The following KCNJ6 variants were observed in gnomAD, a reference collection of about 807,000 sequenced individuals.
The protein encoded by KCNJ6 is G protein-activated inward rectifier potassium channel 2.
In KCNJ6, 9 loss-of-function variants were observed where a neutral mutation model predicts 34.2. The observed-to-expected ratio is 0.26, with a 90% CI of 0.16 to 0.46. KCNJ6 has a LOEUF of 0.46. Among genes scored for constraint, KCNJ6 ranks in the 20% least tolerant of loss-of-function variants. The pLI is 1.00. For missense variants in KCNJ6, 236 were observed against 531.3 expected (o/e 0.44, Z 5.46); for synonymous variants, 196 against 207.1 (o/e 0.95, Z 0.46).
chr21:37,798,810 G>A (rs2055255521), intron 2 of KCNJ6, among the ~76,000 whole-genome samples: 1 of 152,078 alleles, frequency 6.6e-6, no homozygotes, highest in Admixed American at 6.5e-5. Context: ...GTGATAGAAA[G>A]GTTCTAAAAT....
intron 2 of KCNJ6, among the ~76,000 whole-genome samples, chr21:37,723,572 T>C (rs1851650025): frequency 6.6e-6 from 1 of 152,176 alleles, no homozygotes; most frequent in Admixed American, 6.5e-5. Flanking sequence ...CAATACACCA[T>C]GGAATACTAC....
At chr21:37,842,444 G>T (rs931422886) in intron 1 of KCNJ6, among the ~76,000 whole-genome samples, 4 of 152,206 alleles carry the variant, frequency 2.6e-5, no homozygotes, top group Admixed American at 1.3e-4. Flanking sequence ...TTGATTGAAT[G>T]GCAACAAACA....
chr21:37,776,908 G>A (rs1187626128), intron 2 of KCNJ6, among the ~76,000 whole-genome samples: 1 of 152,210 alleles, frequency 6.6e-6, no homozygotes, highest in Non-Finnish European at 1.5e-5. Context: ...GATTGGAATA[G>A]TTTCAGAAGG....
At chr21:37,723,420 T>G (rs2054836895) in intron 2 of KCNJ6, among the ~76,000 whole-genome samples, 1 of 152,206 alleles carries the variant, frequency 6.6e-6, no homozygotes. Context: ...CACTACTGAA[T>G]ATATTCCTAA....
At chr21:37,846,848 T>G (rs1218776666) in intron 1 of KCNJ6, among the ~76,000 whole-genome samples, 1 of 152,154 alleles carries the variant, frequency 6.6e-6, no homozygotes, top group African/African-American at 2.4e-5. Context: ...TTCTTCAGGT[T>G]CTCAACAAAT....
intron 2 of KCNJ6, among the ~76,000 whole-genome samples, chr21:37,732,332 G>T (rs903365701): frequency 4.6e-5 from 7 of 152,136 alleles, no homozygotes; most frequent in Admixed American, 6.5e-5. Flanking sequence ...AATGGATTGT[G>T]GTCACCTATC....
In KCNJ6 at chr21:37,611,613, C is replaced by T. The variant is rs2054242822; in HGVS notation, c.*13546G>A. ...CAACAAAATATTAGCAAATCAAGTCCAACAATATATGAAAATAATTAAACA... is the reference window on the plus strand; with the variant it reads ...CAACAAAATATTAGCAAATCAAGTCTAACAATATATGAAAATAATTAAACA... On this transcript the variant is annotated 3_prime_UTR_variant, in exon 4 of 4. Transcript: ENST00000609713. 6.6e-6 allele frequency: 1 copy of T among 152,046 alleles called. No individual in the cohort carries two copies. Among genetic ancestry groups the T allele is most frequent in the Non-Finnish European group, 1.5e-5 (1 of 67,986 alleles). The allele number at this position is 152,046 out of a possible 1,614,324, so 9.4% of individuals were successfully genotyped here.
intron 1 of KCNJ6, among the ~76,000 whole-genome samples, chr21:37,869,341 G>A (rs1320829072): frequency 6.6e-6 from 1 of 152,156 alleles, no homozygotes; most frequent in African/African-American, 2.4e-5. Flanking sequence ...TTCCTTTCTG[G>A]GTAATAATTC....
chr21:37,735,417 G>C (rs1036330077), intron 2 of KCNJ6, among the ~76,000 whole-genome samples: 3 of 152,104 alleles, frequency 2.0e-5, no homozygotes, highest in Non-Finnish European at 4.4e-5. Context: ...ATTCGAGTGC[G>C]GTGCTGCTCC....
chr21:37,836,694 A>C (rs568189890), intron 2 of KCNJ6, among the ~76,000 whole-genome samples: 1 of 152,138 alleles, frequency 6.6e-6, no homozygotes, highest in Admixed American at 6.5e-5. Flanking sequence ...AACAATGAGA[A>C]CACATGGGCA....
At chr21:37,700,015 C>G (rs185963827) in intron 3 of KCNJ6, among the ~76,000 whole-genome samples, 4 of 152,040 alleles carry the variant, frequency 2.6e-5, no homozygotes, top group African/African-American at 9.7e-5. Flanking sequence ...AAAGGCCACA[C>G]CTTATTTTTA....
chr21:37,869,235 T>C (rs2055638104), intron 1 of KCNJ6, among the ~76,000 whole-genome samples: 3 of 152,258 alleles, frequency 2.0e-5, no homozygotes, highest in East Asian at 3.9e-4. Flanking sequence ...CCCATTTCCA[T>C]GGCCTCCACG....
At chr21:37,769,458 A>C (rs968869052) in intron 2 of KCNJ6, among the ~76,000 whole-genome samples, 1 of 146,230 alleles carries the variant, frequency 6.8e-6, no homozygotes, top group Non-Finnish European at 1.5e-5. Flanking sequence ...ATATTTTTTT[A>C]GTAGCAGAAC....
chr21:37,644,436 C>T (rs2054394560), intron 3 of KCNJ6, among the ~76,000 whole-genome samples: 1 of 152,088 alleles, frequency 6.6e-6, no homozygotes, highest in African/African-American at 2.4e-5. Flanking sequence ...CCATATAATA[C>T]CTATTAAAAC....
At chr21:37,635,206 A>G (rs972580793) in intron 3 of KCNJ6, among the ~76,000 whole-genome samples, 1 of 151,764 alleles carries the variant, frequency 6.6e-6, no homozygotes, top group Non-Finnish European at 1.5e-5. Flanking sequence ...ATTTTATATA[A>G]TATTACTTTA....
At position 37,625,372 on chromosome 21, in the gene KCNJ6, G is replaced by A. The variant is rs1310020300; in HGVS notation, c.1059C>T (p.Ser353=). 6.2e-7 allele frequency: 1 copy of A among 1,614,246 alleles called. No homozygotes were observed. The highest frequency in any genetic ancestry group is 8.5e-7 in the Non-Finnish European group (1 of 1,180,044). Residue 353 remains serine, a synonymous_variant, in exon 4 of 4, where the codon AGC becomes AGT. Coordinates refer to ENST00000609713, the MANE Select transcript of KCNJ6 (RefSeq NM_002240.5). The part of the protein sequence containing the change: ...EDGFYEVDYN[S]FHETYETSTP... ...TGCTGGTCTCATAGGTCTCATGGAA[G>A]CTGTTGTAGTCAACTTCGTAGAACC...
intron 2 of KCNJ6, among the ~76,000 whole-genome samples, chr21:37,773,873 C>T (rs1029914942): frequency 2.0e-5 from 3 of 152,144 alleles, no homozygotes; most frequent in Non-Finnish European, 2.9e-5. Context: ...TCCAGGTGCA[C>T]GGCCAGTCCC....
Position 37,742,577 on chromosome 21 carries a change from T to A in KCNJ6, c.26-27446A>T, listed in dbSNP as rs550702684. Among the ~76,000 whole-genome samples, 8 of 152,348 alleles carry A rather than the reference T, an allele frequency of 5.3e-5. No individual in the cohort carries two copies. In the South Asian group the frequency reaches 1.4e-3, roughly 28 times the overall value. On this transcript the variant is annotated intron_variant, in intron 2 of 3. Coordinates refer to ENST00000609713, the MANE Select transcript of KCNJ6 (RefSeq NM_002240.5). Reference sequence around the variant, plus strand: ...ATTGTTGACATTTCCAGGAACATCTTTTCAGAGATCTCTCTGTGCATTGAC... The same window carrying A: ...ATTGTTGACATTTCCAGGAACATCTATTCAGAGATCTCTCTGTGCATTGAC...
intron 2 of KCNJ6, among the ~76,000 whole-genome samples, chr21:37,719,180 G>T (rs2054810834): frequency 6.6e-6 from 1 of 152,180 alleles, no homozygotes; most frequent in Admixed American, 6.5e-5. Context: ...TCAGGGCTGT[G>T]TCCAGAGTCA....
Sources: allele counts gnomAD v4.1 joint callset (sites outside exome capture counted in the v4.1 genomes callset), GRCh38; gene constraint gnomAD v4.1.1; transcripts MANE v1.5; gene names NCBI Gene and HGNC (gene_info 2026-07-23, HGNC 2026-07-21).